The following CLSTN2 variants were observed in gnomAD, a reference collection of about 807,000 sequenced individuals.
The protein encoded by CLSTN2 is calsyntenin 2.
CLSTN2 carries 48 observed loss-of-function variants against 101.2 expected under a neutral mutation model. The ratio of observed to expected loss-of-function variants is 0.47; its 90% CI spans 0.38 to 0.60. The LOEUF is 0.60. CLSTN2 is among the 20% of genes least tolerant of loss of function. The pLI is 0.00. For synonymous variants in CLSTN2, 481 were observed against 463.6 expected, an observed-to-expected ratio of 1.04 and a Z score of -0.48; for missense variants, 1,160 against 1,238.2, an observed-to-expected ratio of 0.94 and a Z score of 0.95.
At chr3:140,045,654 T>A (rs2007862269) in intron 1 of CLSTN2, among the ~76,000 whole-genome samples, 1 of 152,250 alleles carries the variant, frequency 6.6e-6, no homozygotes, top group Non-Finnish European at 1.5e-5. Context: ...TGTGGGCATT[T>A]AATGCTATAA....
At chr3:139,981,053 G>T (rs1355313474) in intron 1 of CLSTN2, among the ~76,000 whole-genome samples, 1 of 151,998 alleles carries the variant, frequency 6.6e-6, no homozygotes, top group African/African-American at 2.4e-5. Flanking sequence ...TTTATGTGTG[G>T]GTTTGATTGG....
At chr3:140,162,179 T>G (rs180871870) in intron 1 of CLSTN2, among the ~76,000 whole-genome samples, 1 of 152,310 alleles carries the variant, frequency 6.6e-6, no homozygotes, top group East Asian at 1.9e-4. Context: ...TTAGCACTTC[T>G]GTAAACATAA....
At chr3:140,533,078 C>G (rs150168146) in intron 9 of CLSTN2, among the ~76,000 whole-genome samples, 275 of 152,336 alleles carry the variant, frequency 1.8e-3, no homozygotes, top group Non-Finnish European at 2.4e-3. Context: ...TTGAAGGTAT[C>G]TGCCCCTTCC....
chr3:140,469,740 T>C (rs1435914390), intron 8 of CLSTN2, among the ~76,000 whole-genome samples: 1 of 152,104 alleles, frequency 6.6e-6, no homozygotes, highest in African/African-American at 2.4e-5. Flanking sequence ...GAGCACATGG[T>C]TGGCGCCTAG....
chr3:140,159,446 A>G (rs2010009899), intron 1 of CLSTN2, among the ~76,000 whole-genome samples: 1 of 152,204 alleles, frequency 6.6e-6, no homozygotes, highest in Non-Finnish European at 1.5e-5. Context: ...ATCATCAGAG[A>G]AATGCAAATC....
At chr3:140,142,869 A>C (rs2009721868) in intron 1 of CLSTN2, among the ~76,000 whole-genome samples, 1 of 152,228 alleles carries the variant, frequency 6.6e-6, no homozygotes, top group African/African-American at 2.4e-5. Context: ...CCCCACAGGA[A>C]GTCAGAGGTG....
At chr3:140,323,684 A>G (rs1439224153) in intron 2 of CLSTN2, among the ~76,000 whole-genome samples, 2 of 152,214 alleles carry the variant, frequency 1.3e-5, no homozygotes, top group Non-Finnish European at 2.9e-5. Flanking sequence ...AATGGTAGTC[A>G]TTATTATGGT....
At chr3:140,193,821 T>G (rs2010606967) in intron 2 of CLSTN2, among the ~76,000 whole-genome samples, 1 of 152,086 alleles carries the variant, frequency 6.6e-6, no homozygotes, top group Admixed American at 6.6e-5. Context: ...CTCTGTATTT[T>G]GTAAGTCTGT....
chr3:140,078,143 G>A (rs1169496382), intron 1 of CLSTN2, among the ~76,000 whole-genome samples: 1 of 152,272 alleles, frequency 6.6e-6, no homozygotes, highest in East Asian at 1.9e-4. Flanking sequence ...TGGACTCACA[G>A]GACACCCTGC....
chr3:140,500,277 C>CA (rs1189803263), intron 8 of CLSTN2, among the ~76,000 whole-genome samples: 4 of 152,074 alleles, frequency 2.6e-5, no homozygotes, highest in Admixed American at 6.5e-5. Context: ...GTCCAAAAAG[C>CA]AGCCTTATTG....
chr3:140,527,275 C>G (rs1209283670), intron 8 of CLSTN2, among the ~76,000 whole-genome samples: 1 of 151,982 alleles, frequency 6.6e-6, no homozygotes, highest in Non-Finnish European at 1.5e-5. Flanking sequence ...AGGATATGAA[C>G]AGATTCTTCT....
At chr3:140,087,148 A>C (rs2008694468) in intron 1 of CLSTN2, among the ~76,000 whole-genome samples, 1 of 152,230 alleles carries the variant, frequency 6.6e-6, no homozygotes, top group African/African-American at 2.4e-5. Flanking sequence ...GTTTGGGTGA[A>C]GTACAGGCTC....
At chr3:140,487,914 G>C (rs1002205306) in intron 8 of CLSTN2, among the ~76,000 whole-genome samples, 6 of 152,186 alleles carry the variant, frequency 3.9e-5, no homozygotes, top group Non-Finnish European at 7.3e-5. Flanking sequence ...AATAAAAAGT[G>C]AGCCCACAAT....
chr3:139,975,030 G>T (rs1270902819), intron 1 of CLSTN2, among the ~76,000 whole-genome samples: 1 of 152,222 alleles, frequency 6.6e-6, no homozygotes. Context: ...ATAGTCCCAG[G>T]ATATCTCTAT....
intron 1 of CLSTN2, among the ~76,000 whole-genome samples, chr3:140,134,724 C>T (rs1001339870): frequency 2.6e-5 from 4 of 151,986 alleles, no homozygotes; most frequent in Admixed American, 6.6e-5. Flanking sequence ...TGTACAACGG[C>T]GATCATCAGT....
intron 1 of CLSTN2, among the ~76,000 whole-genome samples, chr3:140,072,515 G>A (rs906099896): frequency 6.6e-6 from 1 of 152,216 alleles, no homozygotes; most frequent in African/African-American, 2.4e-5. Context: ...TGTTGATGCT[G>A]TGTTTACAGT....
intron 1 of CLSTN2, among the ~76,000 whole-genome samples, chr3:140,171,311 G>T (rs1285903236): frequency 6.6e-6 from 1 of 152,022 alleles, no homozygotes; most frequent in Non-Finnish European, 1.5e-5. Flanking sequence ...GGTCCAATCT[G>T]TAAAAATGGG....
intron 1 of CLSTN2, among the ~76,000 whole-genome samples, chr3:139,979,857 G>T (rs1006033748): frequency 1.3e-5 from 2 of 151,760 alleles, no homozygotes; most frequent in East Asian, 3.9e-4. Context: ...TCAAACCCAC[G>T]ACCCTTCTTC....
At chr3:140,269,861 C>A (rs549929470) in intron 2 of CLSTN2, among the ~76,000 whole-genome samples, 1 of 152,290 alleles carries the variant, frequency 6.6e-6, no homozygotes, top group South Asian at 2.1e-4. Flanking sequence ...AGTTGTATAA[C>A]CTCTCTGAAG....
Sources: allele counts gnomAD v4.1 joint callset (sites outside exome capture counted in the v4.1 genomes callset), GRCh38; gene constraint gnomAD v4.1.1; transcripts MANE v1.5; gene names NCBI Gene and HGNC (gene_info 2026-07-23, HGNC 2026-07-21).